The following AIG1 variants were observed in gnomAD, a reference collection of about 807,000 sequenced individuals.
AIG1 encodes androgen-induced gene 1 protein.
AIG1 carries 23 observed loss-of-function variants against 31.4 expected under a neutral mutation model. That is an observed-to-expected ratio of 0.73 (90% CI 0.53 to 1.04). AIG1 has a LOEUF of 1.04. Ranked by LOEUF, AIG1 falls within the 50% of genes least tolerant of loss-of-function variation. The pLI is 0.00. For missense variants in AIG1, 274 were observed against 295.0 expected, an observed-to-expected ratio of 0.93 and a Z score of 0.52; for synonymous variants, 100 against 110.5, an observed-to-expected ratio of 0.90 and a Z score of 0.60.
At position 143,297,476 on chromosome 6, in the gene AIG1, G is replaced by A. The variant is rs1798507711; in HGVS notation, c.515+13251G>A. On this transcript the variant is annotated intron_variant, in intron 4 of 5. Coordinates refer to ENST00000357847, the MANE Select transcript of AIG1 (RefSeq NM_016108.4). The surrounding 1 kb of genome is among the most constrained non-coding windows in gnomAD (Gnocchi z 5.1). Reference sequence around the variant, plus strand: ...TAGATGATTGGTTGGTTGGTTGGTTGGTTGGATGGTTTCTTGGGTGGTTGG... The same window carrying A: ...TAGATGATTGGTTGGTTGGTTGGTTAGTTGGATGGTTTCTTGGGTGGTTGG... Among the ~76,000 whole-genome samples, 1 of 152,096 alleles carries A rather than the reference G, an allele frequency of 6.6e-6. No homozygotes were observed.
chr6:143,194,683 C>T (rs988289575), intron 3 of AIG1, among the ~76,000 whole-genome samples: 1 of 152,148 alleles, frequency 6.6e-6, no homozygotes, highest in Admixed American at 6.5e-5. Flanking sequence ...TGGGAGTCCC[C>T]CAAGATGCTG....
intron 2 of AIG1, among the ~76,000 whole-genome samples, chr6:143,147,173 G>A (rs1053293203): frequency 6.6e-6 from 1 of 152,204 alleles, no homozygotes; most frequent in Non-Finnish European, 1.5e-5. Context: ...AGTTTGAATT[G>A]TGTTGGTGAA....
intron 1 of AIG1, among the ~76,000 whole-genome samples, chr6:143,085,899 T>G (rs1487645113): frequency 6.6e-6 from 1 of 152,224 alleles, no homozygotes; most frequent in Admixed American, 6.5e-5. Context: ...TTAAATCCCC[T>G]GTTAGGAAAT....
intron 3 of AIG1, chr6:143,187,757 T>C (rs1269502927): frequency 6.5e-7 from 1 of 1,530,682 alleles, no homozygotes; most frequent in Non-Finnish European, 8.7e-7. Flanking sequence ...TGCATGCTGC[T>C]CTGCACAAGA....
rs1796310850 is a variant in AIG1 at position 143,268,652 on chromosome 6, C to G, written c.400-15458C>G. ...GTGCCAATGTCAGCAGATTCATAAC[C>G]CTGCAGCGCAATTTTGGATTGTCAG... On this transcript the variant is annotated intron_variant, in intron 3 of 5. Coordinates refer to ENST00000357847, the MANE Select transcript of AIG1 (RefSeq NM_016108.4). The surrounding 1 kb of genome is among the most constrained non-coding windows in gnomAD (Gnocchi z 5.0). Among the ~76,000 whole-genome samples the G allele has an allele frequency of 6.6e-6, 1 of 152,130 alleles. No individual in the cohort carries two copies. The highest frequency in any genetic ancestry group is 1.5e-5 in the Non-Finnish European group (1 of 68,022).
chr6:143,297,439 T>C lies in AIG1; in HGVS notation c.515+13214T>C, dbSNP rs944015951. ...TTTGACTGGTTATTTCATGATTGGG[T>C]GGGTGGTTATTTAGATGATTGGTTG... is the stretch of plus-strand genomic sequence containing the variant. On this transcript the variant is annotated intron_variant, in intron 4 of 5. Transcript: ENST00000357847. The surrounding 1 kb of genome is among the most constrained non-coding windows in gnomAD (Gnocchi z 5.1). 2.0e-5 allele frequency among the ~76,000 whole-genome samples: 3 copies of C among 152,192 alleles called. No homozygotes were observed. The highest frequency in any genetic ancestry group is 7.2e-5 in the African/African-American group (3 of 41,502).
At chr6:143,104,898 CAAAAAAAGAAAAAA>C (rs1302100916) in intron 1 of AIG1, among the ~76,000 whole-genome samples, 1 of 137,876 alleles carries the variant, frequency 7.3e-6, no homozygotes, top group African/African-American at 2.7e-5. Flanking sequence ...GACCGTGTCT[CAAAAAAAGAAAAAA>C]AAAAAAAGAA....
chr6:143,329,326 T>G lies in AIG1; in HGVS notation c.516-3956T>G, dbSNP rs1776881729. On this transcript the variant is annotated intron_variant, in intron 4 of 5. Transcript: ENST00000357847. The surrounding 1 kb of genome is among the most constrained non-coding windows in gnomAD (Gnocchi z 4.9). The stretch of plus-strand genomic sequence containing the variant: ...TAAGTTCTTTAGTCTGATCTCAGTT[T>G]CTTTACCTGTTTAAAGAGAATAATC... 6.6e-6 allele frequency among the ~76,000 whole-genome samples: 1 copy of G among 152,238 alleles called. No individual in the cohort carries two copies. The highest frequency in any genetic ancestry group is 1.5e-5 in the Non-Finnish European group (1 of 68,038).
chr6:143,254,888 G>C (rs1262724988), intron 3 of AIG1, among the ~76,000 whole-genome samples: 1 of 152,114 alleles, frequency 6.6e-6, no homozygotes, highest in East Asian at 1.9e-4. Flanking sequence ...AGGCATGGTG[G>C]TGTGTGGTAG....
rs1249043877 is a variant in AIG1 at position 143,326,610 on chromosome 6, A to G, written c.516-6672A>G. Among the ~76,000 whole-genome samples the G allele has an allele frequency of 1.3e-5, 2 of 152,230 alleles. No homozygotes were observed. The highest frequency in any genetic ancestry group is 2.1e-4 in the South Asian group (1 of 4,830). ...AAGTATGAATAAAAGAGCTTTAAAA[A>G]TGAATGAGAGCCCTAGTTCTATAAG... On this transcript the variant is annotated intron_variant, in intron 4 of 5. Transcript: ENST00000357847. The surrounding 1 kb of genome is among the most constrained non-coding windows in gnomAD (Gnocchi z 4.5).
chr6:143,175,047 A>G (rs941546136), intron 3 of AIG1, among the ~76,000 whole-genome samples: 1 of 152,204 alleles, frequency 6.6e-6, no homozygotes, highest in African/African-American at 2.4e-5. Flanking sequence ...GAGAAAGACT[A>G]TATTTCCTTC....
At chr6:143,129,600 CA>C (rs1783036196) in intron 1 of AIG1, among the ~76,000 whole-genome samples, 1 of 152,172 alleles carries the variant, frequency 6.6e-6, no homozygotes, top group Non-Finnish European at 1.5e-5. Context: ...TAGACTATTA[CA>C]TTTAGATTTG....
chr6:143,212,267 T>G (rs950118367), intron 3 of AIG1, among the ~76,000 whole-genome samples: 5 of 152,200 alleles, frequency 3.3e-5, no homozygotes, highest in African/African-American at 1.2e-4. Flanking sequence ...TGCCTCATGC[T>G]TCGAGCCCAT....
intron 4 of AIG1, among the ~76,000 whole-genome samples, chr6:143,289,847 G>A (rs1253427581): frequency 6.6e-6 from 1 of 152,112 alleles, no homozygotes; most frequent in Non-Finnish European, 1.5e-5. Flanking sequence ...GAAAAAATGT[G>A]TACCCTCTTT....
chr6:143,151,242 C>A (rs994680920), intron 2 of AIG1, among the ~76,000 whole-genome samples: 1 of 152,124 alleles, frequency 6.6e-6, no homozygotes, highest in African/African-American at 2.4e-5. Context: ...TAGAAAAGCC[C>A]TCATACAACT....
intron 3 of AIG1, among the ~76,000 whole-genome samples, chr6:143,234,042 C>T (rs1318314191): frequency 6.6e-6 from 1 of 152,168 alleles, no homozygotes; most frequent in Non-Finnish European, 1.5e-5. Flanking sequence ...GCTCCGTTGC[C>T]TCTCTGGCAT....
At chr6:143,079,906 T>C (rs1280854296) in intron 1 of AIG1, among the ~76,000 whole-genome samples, 1 of 151,512 alleles carries the variant, frequency 6.6e-6, no homozygotes, top group Admixed American at 6.6e-5. Flanking sequence ...TATATCCCGA[T>C]CATTATCCCT....
At chr6:143,226,265 G>T (rs1792942788) in intron 3 of AIG1, among the ~76,000 whole-genome samples, 1 of 147,452 alleles carries the variant, frequency 6.8e-6, no homozygotes. Flanking sequence ...TTTTTGAGAT[G>T]GAGTCTCACT....
At chr6:143,182,408 T>A (rs1788816053) in intron 3 of AIG1, among the ~76,000 whole-genome samples, 1 of 152,154 alleles carries the variant, frequency 6.6e-6, no homozygotes. Flanking sequence ...AATCAGTAGA[T>A]GTTAATGGAT....
Sources: allele counts gnomAD v4.1 joint callset (sites outside exome capture counted in the v4.1 genomes callset), GRCh38; gene constraint gnomAD v4.1.1; non-coding constraint Gnocchi (gnomAD v3.1); transcripts MANE v1.5; gene names NCBI Gene and HGNC (gene_info 2026-07-23, HGNC 2026-07-21).